MTX3: variants seen among roughly 807,000 people sequenced by gnomAD.
The protein encoded by MTX3 is metaxin-3.
MTX3 carries 27 observed loss-of-function variants against 42.5 expected under a neutral mutation model. The ratio of observed to expected loss-of-function variants is 0.64; its 90% CI spans 0.47 to 0.88. The LOEUF is 0.88. Among genes scored for constraint, MTX3 ranks in the 40% least tolerant of loss-of-function variants. The probability of loss-of-function intolerance (pLI) is 0.00; values close to 1 mark genes in which losing one functional copy is unlikely to be tolerated. For missense variants in MTX3, 378 were observed against 367.0 expected, an observed-to-expected ratio of 1.03 and a Z score of -0.25; for synonymous variants, 144 against 132.9, an observed-to-expected ratio of 1.08 and a Z score of -0.57.
intron 4 of MTX3, 51 bp downstream of exon 4, chr5:79,989,101 G>T: frequency 7.9e-7 from 1 of 1,273,798 alleles, no homozygotes; most frequent in Non-Finnish European, 1.1e-6. Flanking sequence ...AACAGACTAT[G>T]TACATTTGCA....
intron 2 of MTX3, 87 bp downstream of exon 2, chr5:79,990,507 C>T: frequency 1.1e-6 from 1 of 883,834 alleles, no homozygotes; most frequent in Non-Finnish European, 1.7e-6. Context: ...ACTAAATCCT[C>T]AATATTATAG....
At position 79,977,972 on chromosome 5, in the gene MTX3, T is replaced by C. The variant is rs1159233227; in HGVS notation, c.*5712A>G. 1 of 152,154 alleles carries C rather than the reference T, an allele frequency of 6.6e-6. No homozygotes were observed. Among genetic ancestry groups the C allele is most frequent in the East Asian group, 1.9e-4 (1 of 5,194 alleles). The allele number at this position is 152,154 out of a possible 1,614,324, so 9.4% of individuals were successfully genotyped here. ...GTCTCATGGATGCTTAGGAACTGGGTAGTCTGCTGAAACCACCAGTTCAGC... is the reference window on the plus strand; with the variant it reads ...GTCTCATGGATGCTTAGGAACTGGGCAGTCTGCTGAAACCACCAGTTCAGC... On this transcript the variant is annotated 3_prime_UTR_variant, in exon 9 of 9. Coordinates refer to ENST00000512528, the MANE Select transcript of MTX3 (RefSeq NM_001363818.2).
intron 2 of MTX3, 47 bp from the exon 3 acceptor site, chr5:79,990,283 T>C (rs1831608201): frequency 1.6e-6 from 2 of 1,272,400 alleles, no homozygotes; most frequent in Non-Finnish European, 2.2e-6. Flanking sequence ...TGTGATTTCC[T>C]CTGAGAGATT....
At chr5:79,988,987 A>T (rs1030795268) in intron 4 of MTX3, among the ~76,000 whole-genome samples, 165 bp downstream of exon 4, 2 of 152,258 alleles carry the variant, frequency 1.3e-5, no homozygotes, top group Admixed American at 1.3e-4. Context: ...TTCACATACT[A>T]GTTGAATGCC....
rs774819165 is a variant in MTX3, at chr5:79,983,769, G to T, written c.854C>A (p.Pro285His). 1.9e-6 allele frequency: 3 copies of T among 1,613,418 alleles called. No homozygotes were observed. The African/African-American group carries it at 4.0e-5, about 22-fold the overall frequency. ...EKMDDNLRQS[P>H]QLPPRKLPTL... ...TGGCAGTTTCCGAGGAGGAAGCTGAGGGCTTTGGCGAAGATTGTCATCCAT... is the reference window on the plus strand; with the variant it reads ...TGGCAGTTTCCGAGGAGGAAGCTGATGGCTTTGGCGAAGATTGTCATCCAT... Residue 285 changes from proline to histidine, a missense_variant, in exon 9 of 9, where the codon CCT becomes CAT. By Grantham distance (77) the Pro-to-His change is moderately conservative. Transcript: ENST00000512528.
chr5:79,988,340 A>G (rs1490024942), intron 5 of MTX3, 25 bp from the exon 6 acceptor site: 1 of 1,512,414 alleles, frequency 6.6e-7, no homozygotes, highest in Non-Finnish European at 9.0e-7. Flanking sequence ...ATTATATCTC[A>G]AAAGTAGAAA....
rs1170796030 is a variant in MTX3, at chr5:79,990,589, T to G, written c.151+5A>C. On this transcript the variant is annotated splice_donor_5th_base_variant and intron_variant, in intron 2 of 8. Transcript: ENST00000512528. ...GAAAGGGGAGTGTAAAGGTTTACAC[T>G]ATACCTCTTGAACCTCTCCAGGTGT... 1.9e-6 allele frequency: 3 copies of G among 1,593,054 alleles called. No homozygotes were observed. The South Asian group carries it at 3.4e-5, about 18-fold the overall frequency.
chr5:79,990,581 G>C lies in MTX3; in HGVS notation c.151+13C>G. The C allele has an allele frequency of 6.5e-7, 1 of 1,549,842 alleles. No homozygotes were observed. The highest frequency in any genetic ancestry group is 8.8e-7 in the Non-Finnish European group (1 of 1,132,818). On this transcript the variant is annotated intron_variant, in intron 2 of 8. Coordinates refer to ENST00000512528, the MANE Select transcript of MTX3 (RefSeq NM_001363818.2). The stretch of plus-strand genomic sequence containing the variant: ...AGAGTGCAGAAAGGGGAGTGTAAAG[G>C]TTTACACTATACCTCTTGAACCTCT...
At position 79,980,773 on chromosome 5, in the gene MTX3, T is replaced by A. The variant is rs1471165822; in HGVS notation, c.*2911A>T. On this transcript the variant is annotated 3_prime_UTR_variant, in exon 9 of 9. Transcript: ENST00000512528. ...TCTGTTTAAGATTGTGGACCATTTA[T>A]CCCAATGAACTCACTCAAACTTTAT... 6.6e-6 allele frequency: 1 copy of A among 152,228 alleles called. No individual in the cohort carries two copies. The highest frequency in any genetic ancestry group is 2.4e-5 in the African/African-American group (1 of 41,438). 9.4% of individuals were successfully genotyped at this position (152,228 alleles called of 1,614,324 possible). A position where few individuals can be genotyped will look rare whatever the true frequency, so the allele number is the denominator to read the frequency against.
In MTX3 at chr5:79,990,659, T is replaced by C; in HGVS notation, c.86A>G (p.Tyr29Cys). 6.2e-7 allele frequency: 1 copy of C among 1,612,902 alleles called. No homozygotes were observed. The highest frequency in any genetic ancestry group is 8.5e-7 in the Non-Finnish European group (1 of 1,179,176). The change falls in exon 2 of 9, where the codon TAT becomes TGT. Residue 29 changes from tyrosine (Y) to cysteine (C), a missense_variant. Coordinates refer to ENST00000512528, the MANE Select transcript of MTX3 (RefSeq NM_001363818.2). ...VHSESLVVMA[Y>C]AKFSGAPLKV... is the part of the protein sequence containing the mutation. Reference sequence around the variant, plus strand: ...CAAGGGTGCACCAGAAAATTTGGCATAAGCCTGAAACAGAGTTTGCAATCA... The same window carrying C: ...CAAGGGTGCACCAGAAAATTTGGCACAAGCCTGAAACAGAGTTTGCAATCA...
chr5:79,989,766 T>C (rs1049243725), intron 3 of MTX3, among the ~76,000 whole-genome samples: 5 of 152,348 alleles, frequency 3.3e-5, no homozygotes, highest in Middle Eastern at 6.8e-3. Context: ...TCCATAAAAC[T>C]GCTATTAAGA....
chr5:79,984,993 G>GT (rs1215130464), intron 8 of MTX3, among the ~76,000 whole-genome samples: 2 of 151,790 alleles, frequency 1.3e-5, no homozygotes, highest in African/African-American at 4.8e-5. Flanking sequence ...TTTTTTTTGT[G>GT]TTTTTTCTGA....
At chr5:79,986,014 G>C (rs1338989175) in intron 7 of MTX3, among the ~76,000 whole-genome samples, 1 of 151,000 alleles carries the variant, frequency 6.6e-6, no homozygotes, top group Non-Finnish European at 1.5e-5. Flanking sequence ...TTTCAAATAG[G>C]TCTTTGGTCA....
At position 79,988,531 on chromosome 5, in the gene MTX3, T is replaced by G. The variant is rs1314281643; in HGVS notation, c.435A>C (p.Gly145=). The G allele has an allele frequency of 2.5e-6, 4 of 1,612,808 alleles. No individual in the cohort carries two copies. The highest frequency in any genetic ancestry group is 3.4e-6 in the Non-Finnish European group (4 of 1,179,524). The change falls in exon 5 of 9, where the codon GGA becomes GGC. Residue 145 remains glycine, a synonymous_variant. Coordinates refer to ENST00000512528, the MANE Select transcript of MTX3 (RefSeq NM_001363818.2). ...SLILPGRMSK[G]ALNRILLTRG... ...TGGTCAGGAGAATCCTATTCAGTGC[T>G]CCCTTAGACATTCTTCCAGGCAGGA... is the stretch of plus-strand genomic sequence containing the variant.
chr5:79,981,707 A>G lies in MTX3; in HGVS notation c.*1977T>C, dbSNP rs1207167212. On this transcript the variant is annotated 3_prime_UTR_variant, in exon 9 of 9. Transcript: ENST00000512528. ...AACTTGGAGTTAAATTTACTACTTA[A>G]TTTTAGAATCTGTCAGTGTTGATAT... 3 of 152,174 alleles carry G rather than the reference A, an allele frequency of 2.0e-5. No individual in the cohort carries two copies. The East Asian group carries it at 5.8e-4, about 29-fold the overall frequency. 9.4% of individuals were successfully genotyped at this position (152,174 alleles called of 1,614,324 possible).
rs1483866028 is a variant in MTX3, at chr5:79,988,210, A to ACCAAAATG, written c.581+21_581+28dup. 4 of 1,305,706 alleles carry ACCAAAATG rather than the reference A, an allele frequency of 3.1e-6. No individual in the cohort carries two copies. In the African/African-American group the frequency reaches 5.9e-5, roughly 19 times the overall value. 80.9% of individuals were successfully genotyped at this position (1,305,706 alleles called of 1,614,324 possible). ...CTCACTGAATATATGTGCACAAAATACCAAAATGATTTTTAAGGGAATACT... is the reference window on the plus strand; with the variant it reads ...CTCACTGAATATATGTGCACAAAATACCAAAATGCCAAAATGATTTTTAAGGGAATACT... On this transcript the variant is annotated intron_variant, in intron 6 of 8. Coordinates refer to ENST00000512528, the MANE Select transcript of MTX3 (RefSeq NM_001363818.2).
rs745802228 is a variant in MTX3, at chr5:79,978,949, C to T, written c.*4735G>A. 6.6e-6 allele frequency: 1 copy of T among 152,630 alleles called. No homozygotes were observed. The highest frequency in any genetic ancestry group is 1.9e-4 in the East Asian group (1 of 5,202). 9.5% of individuals were successfully genotyped at this position (152,630 alleles called of 1,614,324 possible). A position where few individuals can be genotyped will look rare whatever the true frequency, so the allele number is the denominator to read the frequency against. The stretch of plus-strand genomic sequence containing the variant: ...TATTTTGTTCTGAATAATCTTCTAT[C>T]ACATTTCCCCTTCTATTCACAAACC... On this transcript the variant is annotated 3_prime_UTR_variant, in exon 9 of 9. Transcript: ENST00000512528.
Position 79,985,666 on chromosome 5 carries a change from A to C in MTX3, c.740-7T>G, listed in dbSNP as rs762915314. 2 of 1,601,224 alleles carry C rather than the reference A, an allele frequency of 1.2e-6. No homozygotes were observed. Among genetic ancestry groups the C allele is most frequent in the Non-Finnish European group, 8.5e-7 (1 of 1,170,318 alleles). Reference sequence around the variant, plus strand: ...TGTCCAGCTGGAGAGATGCCTAAGAAGCCAGGACAGAAATCAGAGAAAGAC... The same window carrying C: ...TGTCCAGCTGGAGAGATGCCTAAGACGCCAGGACAGAAATCAGAGAAAGAC... On this transcript the variant is annotated splice_region_variant and splice_polypyrimidine_tract_variant and intron_variant, in intron 7 of 8. Transcript: ENST00000512528.
chr5:79,983,877 CT>C, intron 8 of MTX3, 83 bp from the exon 9 acceptor site: 2 of 841,654 alleles, frequency 2.4e-6, no homozygotes, highest in South Asian at 3.1e-5. Flanking sequence ...AAACTATAGC[CT>C]AGAAGAGTAC....
Sources: allele counts gnomAD v4.1 joint callset (sites outside exome capture counted in the v4.1 genomes callset), GRCh38; gene constraint gnomAD v4.1.1; transcripts MANE v1.5; gene names NCBI Gene and HGNC (gene_info 2026-07-23, HGNC 2026-07-21).